TTC7B: variants seen among roughly 807,000 people sequenced by gnomAD.
TTC7B encodes tetratricopeptide repeat protein 7B.
TTC7B carries 28 observed loss-of-function variants against 106.8 expected under a neutral mutation model. That is an observed-to-expected ratio of 0.26 (90% CI 0.19 to 0.36). The LOEUF (loss-of-function observed/expected upper bound fraction) is 0.36. TTC7B is among the 10% of genes least tolerant of loss of function. The pLI is 1.00. For synonymous variants in TTC7B, 405 were observed against 430.6 expected (o/e 0.94, Z 0.74); for missense variants, 862 against 1,076.4 (o/e 0.80, Z 2.79).
At chr14:90,793,524 C>CAA (rs199770166) in intron 1 of TTC7B, among the ~76,000 whole-genome samples, 5,772 of 128,352 alleles carry the variant, frequency 0.045, 163 homozygotes, top group Non-Finnish European at 0.058. Flanking sequence ...GACTCTGTCT[C>CAA]AAAAAAAAAA....
At chr14:90,622,266 A>C (rs1884239502) in intron 15 of TTC7B, among the ~76,000 whole-genome samples, 1 of 151,894 alleles carries the variant, frequency 6.6e-6, no homozygotes, top group Non-Finnish European at 1.5e-5. Flanking sequence ...CCACAGGTGC[A>C]TGCCACCACA....
intron 19 of TTC7B, among the ~76,000 whole-genome samples, chr14:90,558,308 C>G (rs1465532896): frequency 1.3e-5 from 2 of 152,240 alleles, no homozygotes; most frequent in Non-Finnish European, 2.9e-5. Flanking sequence ...ACACAAACAG[C>G]TGCCAGGACG....
intron 3 of TTC7B, among the ~76,000 whole-genome samples, chr14:90,747,347 C>G (rs2140004416): frequency 6.6e-6 from 1 of 152,246 alleles, no homozygotes; most frequent in Admixed American, 6.5e-5. Flanking sequence ...TGAATTCTGC[C>G]CTATGTGCCT....
chr14:90,676,955 G>A (rs575155910), intron 8 of TTC7B, among the ~76,000 whole-genome samples: 6 of 152,252 alleles, frequency 3.9e-5, no homozygotes, highest in African/African-American at 1.4e-4. Flanking sequence ...GTTTTCCCTG[G>A]CCTCGGGTTC....
chr14:90,724,355 T>A (rs910833424), intron 5 of TTC7B, among the ~76,000 whole-genome samples: 1 of 152,154 alleles, frequency 6.6e-6, no homozygotes, highest in Non-Finnish European at 1.5e-5. Context: ...CACAACCTAA[T>A]GTAGGCCCTG....
At chr14:90,659,213 T>TGTGTGTGTGTGTG (rs1566822930) in intron 9 of TTC7B, among the ~76,000 whole-genome samples, 28 of 146,718 alleles carry the variant, frequency 1.9e-4, no homozygotes, top group African/African-American at 7.0e-4. Flanking sequence ...ACGAGTGTGA[T>TGTGTGTGTGTGTG]TGTGTGTGTG....
intron 8 of TTC7B, among the ~76,000 whole-genome samples, chr14:90,679,825 A>T (rs952091624): frequency 6.6e-6 from 1 of 152,226 alleles, no homozygotes; most frequent in Non-Finnish European, 1.5e-5. Context: ...GGTGAAATAG[A>T]CCTAAAATTC....
rs1762165562 is a variant in TTC7B at position 90,757,405 on chromosome 14, C to G, written c.446-12483G>C. Among the ~76,000 whole-genome samples, 1 of 152,088 alleles carries G rather than the reference C, an allele frequency of 6.6e-6. No homozygotes were observed. Among genetic ancestry groups the G allele is most frequent in the Non-Finnish European group, 1.5e-5 (1 of 68,022 alleles). On this transcript the variant is annotated intron_variant, in intron 3 of 19. Coordinates refer to ENST00000328459, the MANE Select transcript of TTC7B (RefSeq NM_001010854.2). The surrounding 1 kb of genome is among the most constrained non-coding windows in gnomAD (Gnocchi z 4.1). ...GCTGCAGGGAGCTATGATCGCACTA[C>G]TGCACTCCAGCCTGGGTGACAGGGC...
At chr14:90,587,580 G>A (rs1023418500) in intron 18 of TTC7B, among the ~76,000 whole-genome samples, 7 of 152,190 alleles carry the variant, frequency 4.6e-5, no homozygotes, top group African/African-American at 1.4e-4. Flanking sequence ...GGTTGGGGGA[G>A]GCCTTGTGTT....
At position 90,780,805 on chromosome 14, in the gene TTC7B, G is replaced by A. The variant is rs146519690; in HGVS notation, c.378C>T (p.Asp126=). ...GCGGGACAGCTGTCAGTGGCAGATC[G>A]TCCAGGCCCACCCGGGCGTAAATGT... ...ALNIYARVGL[D]DLPLTAVPPY... is the part of the protein sequence containing the mutation. Residue 126 remains aspartate (D), a synonymous_variant, in exon 3 of 20, where the codon GAC becomes GAT. Transcript: ENST00000328459. 3,186 of 1,614,268 alleles carry A rather than the reference G, an allele frequency of 2.0e-3. 6 individuals carry two copies. The highest frequency in any genetic ancestry group is 2.6e-3 in the Non-Finnish European group (3,012 of 1,180,046).
In TTC7B at chr14:90,813,061, C is replaced by T. The variant is rs79812985; in HGVS notation, c.121+3114G>A. 1.8e-3 allele frequency among the ~76,000 whole-genome samples: 281 copies of T among 152,258 alleles called. 10 individuals carry two copies. The highest frequency in any genetic ancestry group is 0.013 in the Admixed American group (193 of 15,296). ...ACTCACAGGAAAGCCAAAGCCTTAC[C>T]CTCGGCCTATCAGGCCCCGCCACTT... On this transcript the variant is annotated intron_variant, in intron 1 of 19. Coordinates refer to ENST00000328459, the MANE Select transcript of TTC7B (RefSeq NM_001010854.2).
At chr14:90,799,159 C>A (rs530584698) in intron 1 of TTC7B, among the ~76,000 whole-genome samples, 27 of 152,302 alleles carry the variant, frequency 1.8e-4, no homozygotes, top group Non-Finnish European at 3.1e-4. Context: ...TCCAAGGCCA[C>A]GGCCATCTGA....
intron 6 of TTC7B, among the ~76,000 whole-genome samples, chr14:90,692,324 C>T (rs532767162): frequency 5.2e-4 from 79 of 152,150 alleles, no homozygotes; most frequent in African/African-American, 1.9e-3. Flanking sequence ...GGAGTATATA[C>T]CTAAGAGTGG....
At chr14:90,795,634 G>T (rs539936871) in intron 1 of TTC7B, among the ~76,000 whole-genome samples, 16 of 152,258 alleles carry the variant, frequency 1.1e-4, no homozygotes, top group African/African-American at 2.9e-4. Flanking sequence ...TTCTCACTTG[G>T]GTATCATGAG....
Position 90,676,665 on chromosome 14 carries a change from A to G in TTC7B, c.1015-5T>C. 1.9e-6 allele frequency: 3 copies of G among 1,613,414 alleles called. No homozygotes were observed. The highest frequency in any genetic ancestry group is 2.5e-6 in the Non-Finnish European group (3 of 1,179,690). On this transcript the variant is annotated splice_polypyrimidine_tract_variant and splice_region_variant and intron_variant, in intron 8 of 19. Transcript: ENST00000328459. ...CAGCACAGCGTCCCGGTTGGCCTGAAAAAACATGGAATAGAGAAGCAGATG... is the reference window on the plus strand; with the variant it reads ...CAGCACAGCGTCCCGGTTGGCCTGAGAAAACATGGAATAGAGAAGCAGATG...
intron 9 of TTC7B, among the ~76,000 whole-genome samples, chr14:90,662,533 C>T (rs1306218946): frequency 6.6e-6 from 1 of 152,220 alleles, no homozygotes; most frequent in African/African-American, 2.4e-5. Flanking sequence ...AGAGCTTCTG[C>T]CTGAGACCCC....
chr14:90,684,223 T>A (rs1887166602), intron 7 of TTC7B, among the ~76,000 whole-genome samples: 2 of 152,214 alleles, frequency 1.3e-5, no homozygotes, highest in African/African-American at 4.8e-5. Flanking sequence ...TTAACCAGTA[T>A]CCACAATAGC....
intron 2 of TTC7B, among the ~76,000 whole-genome samples, chr14:90,784,898 GC>G (rs1472380385): frequency 6.6e-6 from 1 of 152,126 alleles, no homozygotes; most frequent in Non-Finnish European, 1.5e-5. Flanking sequence ...AATTTTGAAA[GC>G]AGCTCTCTAT....
rs1294570 is a variant in TTC7B at position 90,539,263 on chromosome 14, G to C, written c.*2105C>G. 96,617 of 152,342 alleles carry C rather than the reference G, an allele frequency of 0.63. 31,180 individuals carry two copies. Among genetic ancestry groups the C allele is most frequent in the South Asian group, 0.74 (3,593 of 4,836 alleles). The allele number at this position is 152,342 out of a possible 1,614,324, so 9.4% of individuals were successfully genotyped here. A position where few individuals can be genotyped will look rare whatever the true frequency, so the allele number is the denominator to read the frequency against. ...CCCCCGCGCCCTGCAGGGCTGATAC[G>C]CACAGGAGTCTCTGAGGTGAGGGCC... On this transcript the variant is annotated 3_prime_UTR_variant, in exon 20 of 20. Transcript: ENST00000328459.
Sources: allele counts gnomAD v4.1 joint callset (sites outside exome capture counted in the v4.1 genomes callset), GRCh38; gene constraint gnomAD v4.1.1; non-coding constraint Gnocchi (gnomAD v3.1); transcripts MANE v1.5; gene names NCBI Gene and HGNC (gene_info 2026-07-23, HGNC 2026-07-21).